The following PAPPA2 variants were observed in gnomAD, a reference collection of about 807,000 sequenced individuals.
The protein encoded by PAPPA2 is pappalysin 2, also known as pappalysin-2.
PAPPA2 carries 86 observed loss-of-function variants against 176.4 expected under a neutral mutation model. The ratio of observed to expected loss-of-function variants is 0.49; its 90% confidence interval spans 0.41 to 0.58. The LOEUF is 0.58. PAPPA2 is among the 20% of genes least tolerant of loss of function. PAPPA2 has a pLI of 0.00. For synonymous variants in PAPPA2, 809 were observed against 852.2 expected (o/e 0.95, Z 0.88); for missense variants, 2,073 against 2,256.9 (o/e 0.92, Z 1.65).
At chr1:176,576,090 A>G (rs1017753048) in intron 2 of PAPPA2, among the ~76,000 whole-genome samples, 2 of 152,168 alleles carry the variant, frequency 1.3e-5, no homozygotes, top group Admixed American at 6.5e-5. Context: ...TTCCTTAACA[A>G]TGATTCCTAG....
chr1:176,648,719 A>C (rs558386402), intron 3 of PAPPA2, among the ~76,000 whole-genome samples: 166 of 151,738 alleles, frequency 1.1e-3, no homozygotes, highest in African/African-American at 3.9e-3. Context: ...GGTTATGTTA[A>C]TGTAATGTAT....
chr1:176,763,392 G>T (rs886366442), intron 14 of PAPPA2, among the ~76,000 whole-genome samples: 1 of 152,184 alleles, frequency 6.6e-6, no homozygotes, highest in African/African-American at 2.4e-5. Flanking sequence ...CTCAGTAAAT[G>T]CTTATTAATG....
chr1:176,540,632 CA>C (rs1248624441), intron 1 of PAPPA2, among the ~76,000 whole-genome samples: 1 of 152,176 alleles, frequency 6.6e-6, no homozygotes, highest in Admixed American at 6.5e-5. Context: ...GGTAAAGCCA[CA>C]ATGACTTAAC....
intron 17 of PAPPA2, among the ~76,000 whole-genome samples, chr1:176,785,544 A>C (rs1260050026): frequency 6.6e-6 from 1 of 152,054 alleles, no homozygotes; most frequent in Non-Finnish European, 1.5e-5. Flanking sequence ...AAGAAAACAG[A>C]ATTTCCTAGG....
chr1:176,694,315 T>C (rs913084634), intron 6 of PAPPA2, among the ~76,000 whole-genome samples: 1 of 152,204 alleles, frequency 6.6e-6, no homozygotes, highest in African/African-American at 2.4e-5. Flanking sequence ...GGACGCTCAA[T>C]GGTGTTTGGG....
chr1:176,600,501 C>T (rs962910240), intron 3 of PAPPA2, among the ~76,000 whole-genome samples: 2 of 151,388 alleles, frequency 1.3e-5, no homozygotes, highest in Admixed American at 1.3e-4. Context: ...ACGGTGAAAC[C>T]CCGTCTCTAC....
rs531896006 is a variant in PAPPA2, at chr1:176,809,034, G to T, written c.5202+8902G>T. On this transcript the variant is annotated intron_variant, in intron 21 of 22. Coordinates refer to ENST00000367662, the MANE Select transcript of PAPPA2 (RefSeq NM_020318.3). ...CCTAAAAGTGTTAAACTTTATACAA[G>T]GTTATAAAGGGAGGTGTTGAAAAGG... Among the ~76,000 whole-genome samples the T allele has an allele frequency of 3.9e-5, 6 of 152,172 alleles. No homozygotes were observed. In the East Asian group the frequency reaches 1.2e-3, roughly 29 times the overall value.
intron 1 of PAPPA2, among the ~76,000 whole-genome samples, chr1:176,550,485 C>A (rs1417692031): frequency 6.6e-6 from 1 of 152,218 alleles, no homozygotes; most frequent in Admixed American, 6.5e-5. Flanking sequence ...AGCCAAAGGG[C>A]TCCACGAGCT....
chr1:176,684,056 G>A (rs116791191), intron 4 of PAPPA2, among the ~76,000 whole-genome samples: 165 of 152,202 alleles, frequency 1.1e-3, no homozygotes, highest in African/African-American at 3.7e-3. Flanking sequence ...TTCACCATGC[G>A]GGCTAAACCA....
At chr1:176,744,233 T>C (rs1275263801) in intron 14 of PAPPA2, among the ~76,000 whole-genome samples, 2 of 152,248 alleles carry the variant, frequency 1.3e-5, no homozygotes, top group African/African-American at 2.4e-5. Context: ...CTTTGTATTC[T>C]ACTCTTTCTG....
intron 17 of PAPPA2, among the ~76,000 whole-genome samples, chr1:176,780,769 T>C (rs1444578184): frequency 2.0e-5 from 3 of 152,216 alleles, no homozygotes; most frequent in African/African-American, 7.2e-5. Context: ...TGAATGAATG[T>C]ATAAATGGAC....
At chr1:176,761,434 G>A (rs1299101584) in intron 14 of PAPPA2, among the ~76,000 whole-genome samples, 1 of 152,146 alleles carries the variant, frequency 6.6e-6, no homozygotes, top group African/African-American at 2.4e-5. Flanking sequence ...TAGATGGAAA[G>A]AGAGAGGGTA....
chr1:176,636,871 C>T (rs1365053832), intron 3 of PAPPA2, among the ~76,000 whole-genome samples: 2 of 151,914 alleles, frequency 1.3e-5, no homozygotes, highest in Non-Finnish European at 2.9e-5. Flanking sequence ...AGCAGTAAGG[C>T]ATGTATGCAA....
intron 1 of PAPPA2, among the ~76,000 whole-genome samples, chr1:176,464,793 T>C (rs915339427): frequency 1.3e-5 from 2 of 152,176 alleles, no homozygotes; most frequent in Admixed American, 6.5e-5. Context: ...AAATAGTTTT[T>C]TAATTATAAA....
chr1:176,709,621 C>T (rs1661048343), intron 10 of PAPPA2, among the ~76,000 whole-genome samples: 2 of 152,156 alleles, frequency 1.3e-5, no homozygotes, highest in African/African-American at 4.8e-5. Context: ...CTTTTACCTA[C>T]CTATCTTATA....
At chr1:176,793,442 T>A in intron 19 of PAPPA2, 118 bp from the exon 20 acceptor site, 1 of 801,530 alleles carries the variant, frequency 1.2e-6, no homozygotes, top group Non-Finnish European at 2.1e-6. Context: ...AACGTCATAA[T>A]ATGGTGACCC....
chr1:176,531,418 GA>G (rs1649800976), intron 1 of PAPPA2, among the ~76,000 whole-genome samples: 1 of 152,168 alleles, frequency 6.6e-6, no homozygotes, highest in African/African-American at 2.4e-5. Flanking sequence ...ATGACATAAA[GA>G]TGGCCATAAT....
intron 21 of PAPPA2, among the ~76,000 whole-genome samples, chr1:176,822,139 C>T (rs1455146230): frequency 1.3e-5 from 2 of 152,130 alleles, no homozygotes; most frequent in Admixed American, 6.5e-5. Context: ...GTGCATAAAG[C>T]CCACCTCTCA....
At chr1:176,501,557 C>T (rs1647964736) in intron 1 of PAPPA2, among the ~76,000 whole-genome samples, 1 of 152,110 alleles carries the variant, frequency 6.6e-6, no homozygotes, top group Non-Finnish European at 1.5e-5. Flanking sequence ...TACTACTGCC[C>T]CCTTGGCACT....
Sources: gnomAD v4.1 joint callset for allele counts (sites outside exome capture counted in the v4.1 genomes callset) on GRCh38, gnomAD v4.1.1 for gene constraint, MANE v1.5 for transcripts, NCBI Gene and HGNC (gene_info 2026-07-23, HGNC 2026-07-21) for gene names.